The following XKR9 variants were observed in gnomAD, a reference collection of about 807,000 sequenced individuals.
XKR9 encodes the protein XK related 9.
Under a neutral mutation model 32.0 loss-of-function variants are expected in XKR9, and 32 were observed. The ratio of observed to expected loss-of-function variants is 1.00; its 90% confidence interval spans 0.76 to 1.34. XKR9 has a LOEUF of 1.34. Among genes scored for constraint, XKR9 ranks in the 40% most tolerant of loss-of-function variants. XKR9 has a pLI of 0.00. For missense variants in XKR9, 546 were observed against 429.7 expected (o/e 1.27, Z -2.39); for synonymous variants, 168 against 143.4 (o/e 1.17, Z -1.22).
chr8:71,015,194 G>A, the XKR9 span, among the ~76,000 whole-genome samples: 48,628 of 152,020 alleles, frequency 0.32, 9,051 homozygotes, highest in Non-Finnish European at 0.43. Context: ...CTAGTATGAA[G>A]CAACTAATTT....
the XKR9 span, among the ~76,000 whole-genome samples, chr8:70,831,039 C>T: frequency 5.9e-5 from 9 of 152,044 alleles, no homozygotes; most frequent in Admixed American, 1.3e-4. Flanking sequence ...ACCTGTAATC[C>T]CAGCACTTTG....
the XKR9 span, among the ~76,000 whole-genome samples, chr8:70,960,723 A>G: frequency 2.6e-5 from 4 of 151,540 alleles, no homozygotes; most frequent in Non-Finnish European, 4.4e-5. Context: ...GAAAAAAAAA[A>G]TAGCTGAATG....
At chr8:70,852,103 C>T in the XKR9 span, among the ~76,000 whole-genome samples, 1 of 152,088 alleles carries the variant, frequency 6.6e-6, no homozygotes, top group African/African-American at 2.4e-5. Context: ...AACAAACAAT[C>T]CCATCAAAAA....
chr8:70,688,874 A>G (rs1429401024), intron 3 of XKR9, among the ~76,000 whole-genome samples: 1 of 152,184 alleles, frequency 6.6e-6, no homozygotes, highest in Non-Finnish European at 1.5e-5. Context: ...TAAATTTCTA[A>G]TGAATCAAAT....
intron 2 of XKR9, among the ~76,000 whole-genome samples, chr8:70,777,297 TA>T (rs1337476487): frequency 6.6e-6 from 1 of 152,168 alleles, no homozygotes; most frequent in Non-Finnish European, 1.5e-5. Context: ...CATCCTTTTT[TA>T]TGGCTGCGTA....
chr8:70,688,491 A>C (rs937177196), intron 3 of XKR9, among the ~76,000 whole-genome samples: 9 of 151,564 alleles, frequency 5.9e-5, no homozygotes, highest in Admixed American at 1.3e-4. Context: ...ATCTCAGGTC[A>C]CTGCAAGCTC....
chr8:70,770,515 C>T (rs1041586570), intron 2 of XKR9, among the ~76,000 whole-genome samples: 1 of 152,198 alleles, frequency 6.6e-6, no homozygotes, highest in African/African-American at 2.4e-5. Context: ...GCACCCACAG[C>T]CGCATCTTCC....
intron 4 of XKR9, among the ~76,000 whole-genome samples, chr8:70,733,220 A>C (rs1395432659): frequency 6.6e-6 from 1 of 152,104 alleles, no homozygotes; most frequent in East Asian, 1.9e-4. Context: ...TTTAGAACAT[A>C]CTCATTCACT....
chr8:70,730,308 A>G (rs1806621833), intron 4 of XKR9, among the ~76,000 whole-genome samples: 1 of 152,210 alleles, frequency 6.6e-6, no homozygotes, highest in Non-Finnish European at 1.5e-5. Context: ...AAAATAAAAT[A>G]TTATAAATCT....
chr8:70,770,802 G>A (rs571020938), intron 2 of XKR9, among the ~76,000 whole-genome samples: 10 of 152,278 alleles, frequency 6.6e-5, no homozygotes, highest in Middle Eastern at 3.4e-3. Context: ...TTCAGACTGC[G>A]TGCTGGCAGT....
intron 3 of XKR9, among the ~76,000 whole-genome samples, chr8:70,686,041 T>A (rs1819265751): frequency 6.6e-6 from 1 of 151,970 alleles, no homozygotes; most frequent in South Asian, 2.1e-4. Context: ...CCTGTAACAT[T>A]TTCCTTTTCT....
At chr8:71,055,908 T>A in the XKR9 span, among the ~76,000 whole-genome samples, 1 of 152,242 alleles carries the variant, frequency 6.6e-6, no homozygotes, top group African/African-American at 2.4e-5. Context: ...TTAGTTAACT[T>A]GGCTCTTTTT....
the XKR9 span, among the ~76,000 whole-genome samples, chr8:70,983,518 T>G: frequency 6.6e-6 from 1 of 152,160 alleles, no homozygotes; most frequent in Non-Finnish European, 1.5e-5. Flanking sequence ...CAGTGGCTAA[T>G]GCCTGTAATC....
chr8:70,977,899 CT>C, the XKR9 span, among the ~76,000 whole-genome samples: 1 of 152,112 alleles, frequency 6.6e-6, no homozygotes, highest in Non-Finnish European at 1.5e-5. Flanking sequence ...TAAGGACTTG[CT>C]TTATGAATCT....
At chr8:70,999,175 A>G in the XKR9 span, among the ~76,000 whole-genome samples, 233 of 152,362 alleles carry the variant, frequency 1.5e-3, 1 homozygote, top group African/African-American at 5.4e-3. Context: ...AAAACAGATT[A>G]CATTGAATAG....
chr8:70,936,508 T>TA, the XKR9 span, among the ~76,000 whole-genome samples: 1 of 152,112 alleles, frequency 6.6e-6, no homozygotes, highest in Admixed American at 6.6e-5. Flanking sequence ...ACAGTGATTG[T>TA]AAATCTTGTG....
At chr8:70,990,215 A>G in the XKR9 span, among the ~76,000 whole-genome samples, 2 of 152,176 alleles carry the variant, frequency 1.3e-5, no homozygotes, top group Admixed American at 6.5e-5. Flanking sequence ...TATTTTATAA[A>G]CTGTCAATTG....
the XKR9 span, among the ~76,000 whole-genome samples, chr8:71,047,338 C>T: frequency 6.6e-6 from 1 of 152,300 alleles, no homozygotes; most frequent in East Asian, 1.9e-4. Context: ...TCCTTATTTG[C>T]ACTCTCTGCT....
At chr8:71,051,545 G>C in the XKR9 span, among the ~76,000 whole-genome samples, 1 of 152,124 alleles carries the variant, frequency 6.6e-6, no homozygotes, top group East Asian at 1.9e-4. Context: ...GTGTGTGTGT[G>C]TGTGTGTGTA....
Sources: allele counts gnomAD v4.1 joint callset (sites outside exome capture counted in the v4.1 genomes callset), GRCh38; gene constraint gnomAD v4.1.1; transcripts MANE v1.5; gene names NCBI Gene and HGNC (gene_info 2026-07-23, HGNC 2026-07-21).